The following DENND3 variants were observed in gnomAD, a reference collection of about 807,000 sequenced individuals.
DENND3 encodes the protein DENN domain containing 3, also known as DENN domain-containing protein 3.
Under a neutral mutation model 135.1 loss-of-function variants are expected in DENND3, and 88 were observed. The observed-to-expected ratio is 0.65, with a 90% CI of 0.55 to 0.78. The LOEUF is 0.78. Ranked by LOEUF, DENND3 falls within the 30% of genes least tolerant of loss-of-function variation. The pLI is 0.00. For synonymous variants in DENND3, 693 were observed against 712.3 expected (o/e 0.97, Z 0.43); for missense variants, 1,392 against 1,688.4 (o/e 0.82, Z 3.08).
intron 13 of DENND3, among the ~76,000 whole-genome samples, chr8:141,173,147 C>T (rs1405583771): frequency 2.0e-5 from 3 of 149,788 alleles, no homozygotes; most frequent in Non-Finnish European, 4.5e-5. Flanking sequence ...CTCTTCGCGA[C>T]CTCACAGATG....
chr8:141,165,386 G>A, intron 11 of DENND3, 97 bp downstream of exon 11: 1 of 940,520 alleles, frequency 1.1e-6, no homozygotes. Flanking sequence ...AAAGTCAATG[G>A]GAAATACCTT....
intron 8 of DENND3, among the ~76,000 whole-genome samples, chr8:141,156,920 T>A (rs1447015000): frequency 6.6e-6 from 1 of 150,964 alleles, no homozygotes; most frequent in Non-Finnish European, 1.5e-5. Flanking sequence ...GCCTCCCGAG[T>A]AGCTGGGATT....
rs185941400 is a variant in DENND3, at chr8:141,147,796, G to A, written c.736-3038G>A. 5.9e-5 allele frequency among the ~76,000 whole-genome samples: 9 copies of A among 152,352 alleles called. No individual in the cohort carries two copies. In the East Asian group the frequency reaches 7.7e-4, roughly 13 times the overall value. On this transcript the variant is annotated intron_variant, in intron 5 of 22. Transcript: ENST00000519811. The stretch of plus-strand genomic sequence containing the variant: ...ATATCCAGAGCTCACAGCCGGGCCC[G>A]CACAGAGCTGCCCAGCAGTGAGCTG...
At chr8:141,145,109 T>G (rs576480154) in intron 5 of DENND3, among the ~76,000 whole-genome samples, 1 of 152,286 alleles carries the variant, frequency 6.6e-6, no homozygotes, top group African/African-American at 2.4e-5. Flanking sequence ...ACCTTTAAAG[T>G]GTGAAAAGAG....
At position 141,168,671 on chromosome 8, in the gene DENND3, G is replaced by A; in HGVS notation, c.2275+146G>A. ...AGCAGTCCTCCCACCTCAGCCTCCC[G>A]AGTAGCTGGGACTAGACTACAGGTA... On this transcript the variant is annotated intron_variant, in intron 13 of 22. Transcript: ENST00000519811. The surrounding 1 kb of genome is among the most constrained non-coding windows in gnomAD (Gnocchi z 6.2). 3.0e-6 allele frequency: 3 copies of A among 992,026 alleles called. No individual in the cohort carries two copies. The highest frequency in any genetic ancestry group is 2.7e-5 in the East Asian group (1 of 37,646). The allele number at this position is 992,026 out of a possible 1,614,324, so 61.5% of individuals were successfully genotyped here.
intron 10 of DENND3, 42 bp downstream of exon 10, chr8:141,163,471 C>G (rs1168944868): frequency 8.0e-7 from 1 of 1,245,980 alleles, no homozygotes. Context: ...TGTGTTCAAT[C>G]CATTATCCTT....
intron 3 of DENND3, among the ~76,000 whole-genome samples, chr8:141,140,263 C>T (rs918901533): frequency 3.3e-5 from 5 of 152,174 alleles, no homozygotes; most frequent in Non-Finnish European, 7.3e-5. Flanking sequence ...CTCTGCCTTT[C>T]CACCGACACT....
chr8:141,195,310 C>T lies in DENND3; in HGVS notation c.*1077C>T, dbSNP rs999233451. On this transcript the variant is annotated 3_prime_UTR_variant, in exon 23 of 23. Transcript: ENST00000519811. ...CACGTGCTGAGGGCATGGGGCCTGCCCCCTGGGCACCCATCCACAAGCTGG... is the reference window on the plus strand; with the variant it reads ...CACGTGCTGAGGGCATGGGGCCTGCTCCCTGGGCACCCATCCACAAGCTGG... The T allele has an allele frequency of 2.0e-5, 3 of 152,354 alleles. No individual in the cohort carries two copies. The highest frequency in any genetic ancestry group is 4.4e-5 in the Non-Finnish European group (3 of 68,094). The allele number at this position is 152,354 out of a possible 1,614,324, so 9.4% of individuals were successfully genotyped here. A position where few individuals can be genotyped will look rare whatever the true frequency, so the allele number is the denominator to read the frequency against.
chr8:141,159,412 G>A (rs1247897528), intron 8 of DENND3, among the ~76,000 whole-genome samples: 1 of 152,240 alleles, frequency 6.6e-6, no homozygotes, highest in African/African-American at 2.4e-5. Context: ...TCCCCCGTCT[G>A]TGTCTTCCTG....
In DENND3 at chr8:141,195,541, G is replaced by C. The variant is rs1825230902; in HGVS notation, c.*1308G>C. ...AGGTTTTCCCCCAAGGCTTGGCTTT[G>C]TGTAGCTACTAACTTCTTGGGGCAT... On this transcript the variant is annotated 3_prime_UTR_variant, in exon 23 of 23. Transcript: ENST00000519811. 2 of 152,246 alleles carry C rather than the reference G, an allele frequency of 1.3e-5. No individual in the cohort carries two copies. The allele number at this position is 152,246 out of a possible 1,614,324, so 9.4% of individuals were successfully genotyped here.
intron 18 of DENND3, 94 bp from the exon 19 acceptor site, chr8:141,188,892 T>C: frequency 6.8e-7 from 1 of 1,475,992 alleles, no homozygotes; most frequent in South Asian, 1.4e-5. Context: ...TGGTTCCATA[T>C]CCGCTAATTC....
At chr8:141,190,166 G>A (rs1824526395) in intron 19 of DENND3, 118 bp from the exon 20 acceptor site, 2 of 1,327,256 alleles carry the variant, frequency 1.5e-6, no homozygotes, top group Non-Finnish European at 2.0e-6. Context: ...ATGTTTGCAG[G>A]TTATCCGTGT....
chr8:141,154,048 C>T lies in DENND3; in HGVS notation c.1075-1801C>T, dbSNP rs192979009. On this transcript the variant is annotated intron_variant, in intron 7 of 22. Transcript: ENST00000519811. The surrounding 1 kb of genome is among the most constrained non-coding windows in gnomAD (Gnocchi z 4.4). ...ACTTGTGTCTCCCAAAGACGCTGGGCGTTAACACATCCACGGGACCGGCTG... is the reference window on the plus strand; with the variant it reads ...ACTTGTGTCTCCCAAAGACGCTGGGTGTTAACACATCCACGGGACCGGCTG... 2.5e-3 allele frequency among the ~76,000 whole-genome samples: 377 copies of T among 152,314 alleles called. 1 individual carries two copies. Among genetic ancestry groups the T allele is most frequent in the African/African-American group, 8.7e-3 (363 of 41,574 alleles).
chr8:141,164,294 TG>T (rs1241588610), intron 10 of DENND3, among the ~76,000 whole-genome samples: 1 of 152,242 alleles, frequency 6.6e-6, no homozygotes, highest in East Asian at 1.9e-4. Context: ...TACTGAGCAT[TG>T]GGGTTGTTTC....
intron 7 of DENND3, 115 bp from the exon 8 acceptor site, chr8:141,155,734 T>A: frequency 7.5e-7 from 1 of 1,331,638 alleles, no homozygotes; most frequent in Non-Finnish European, 1.0e-6. Flanking sequence ...GAGGGTCATT[T>A]AATTAATGAT....
In DENND3 at chr8:141,139,278, C is replaced by A. The variant is rs542028773; in HGVS notation, c.501+1141C>A. On this transcript the variant is annotated intron_variant, in intron 3 of 22. Coordinates refer to ENST00000519811, the MANE Select transcript of DENND3 (RefSeq NM_001352890.3). The surrounding 1 kb of genome is among the most constrained non-coding windows in gnomAD (Gnocchi z 4.2). ...ACATGTGACATTGAGTGTTGGGAGG[C>A]GTGAGGTATAATCACATGGATTCTG... Among the ~76,000 whole-genome samples the A allele has an allele frequency of 6.6e-6, 1 of 152,096 alleles. No individual in the cohort carries two copies. The highest frequency in any genetic ancestry group is 1.5e-5 in the Non-Finnish European group (1 of 68,026).
chr8:141,178,007 C>A, intron 15 of DENND3, 60 bp from the exon 16 acceptor site: 1 of 1,542,144 alleles, frequency 6.5e-7, no homozygotes, highest in South Asian at 1.2e-5. Flanking sequence ...GCAACAAGGT[C>A]TCCGGTGAAC....
At chr8:141,173,174 CAG>C (rs946528229) in intron 13 of DENND3, among the ~76,000 whole-genome samples, 5 of 152,070 alleles carry the variant, frequency 3.3e-5, no homozygotes, top group Middle Eastern at 6.3e-3. Flanking sequence ...CTGCCCAGCA[CAG>C]GGGCTGCAGA....
At chr8:141,145,851 G>T (rs534463) in intron 5 of DENND3, among the ~76,000 whole-genome samples, 21,427 of 75,996 alleles carry the variant, frequency 0.28, 3,519 homozygotes, top group African/African-American at 0.51. Context: ...ATATATATAT[G>T]TATTTTTTTT....
Sources: allele counts gnomAD v4.1 joint callset (sites outside exome capture counted in the v4.1 genomes callset), GRCh38; gene constraint gnomAD v4.1.1; non-coding constraint Gnocchi (gnomAD v3.1); transcripts MANE v1.5; gene names NCBI Gene and HGNC (gene_info 2026-07-23, HGNC 2026-07-21).